The following DNMBP variants were observed in gnomAD, a reference collection of about 807,000 sequenced individuals.
DNMBP encodes the protein dynamin binding protein.
A neutral mutation model predicts 150.0 loss-of-function variants in DNMBP; 87 were observed. The ratio of observed to expected loss-of-function variants is 0.58; its 90% CI spans 0.49 to 0.69. The LOEUF (loss-of-function observed/expected upper bound fraction) is 0.69. Among genes scored for constraint, DNMBP ranks in the 30% least tolerant of loss-of-function variants. The probability of loss-of-function intolerance (pLI) is 0.00; values close to 1 mark genes in which losing one functional copy is unlikely to be tolerated. For missense variants in DNMBP, 1,774 were observed against 1,949.0 expected (o/e 0.91, Z 1.69); for synonymous variants, 711 against 750.4 (o/e 0.95, Z 0.86).
chr10:99,969,601 T>C (rs2040654748), intron 2 of DNMBP, among the ~76,000 whole-genome samples: 1 of 152,216 alleles, frequency 6.6e-6, no homozygotes, highest in Admixed American at 6.5e-5. Context: ...ATAACGTAAG[T>C]ACACAAATTG....
chr10:99,966,154 G>A (rs1275274156), intron 3 of DNMBP, among the ~76,000 whole-genome samples: 3 of 152,084 alleles, frequency 2.0e-5, no homozygotes, highest in Non-Finnish European at 4.4e-5. Context: ...CAAGCCTTGT[G>A]TTTCCAAATT....
chr10:99,899,469 G>A (rs1333935286), intron 7 of DNMBP, among the ~76,000 whole-genome samples: 2 of 151,958 alleles, frequency 1.3e-5, no homozygotes, highest in Non-Finnish European at 2.9e-5. Context: ...AGGTATGGTG[G>A]TGTGTGCCTG....
At chr10:99,961,640 G>A (rs565089600) in intron 3 of DNMBP, among the ~76,000 whole-genome samples, 221 of 152,148 alleles carry the variant, frequency 1.5e-3, no homozygotes, top group South Asian at 0.011. Flanking sequence ...TTGTCCCCAC[G>A]CATTATTTCT....
chr10:99,969,164 G>A lies in DNMBP; in HGVS notation c.219C>T (p.Cys73=), dbSNP rs374220632. ...SLKEGERLFV[C]ICEFTSQELD... ...ACTCTTGGGATGTGAATTCACAAAT[G>A]CACACAAACAGCCTCTCTCCCTCTT... is the stretch of plus-strand genomic sequence containing the variant. The change falls in exon 3 of 17, where the codon TGC becomes TGT. Residue 73 remains cysteine (C), a synonymous_variant. Transcript: ENST00000324109. 6 of 1,613,764 alleles carry A rather than the reference G, an allele frequency of 3.7e-6. No homozygotes were observed. In the African/African-American group the frequency reaches 8.0e-5, roughly 22 times the overall value.
chr10:99,940,666 GCTTT>G lies in DNMBP; in HGVS notation c.2260+14544_2260+14547del, dbSNP rs2040286629. On this transcript the variant is annotated intron_variant, in intron 4 of 16. Coordinates refer to ENST00000324109, the MANE Select transcript of DNMBP (RefSeq NM_015221.4). ...CCTGCTGCCACTACCCTATTTTTTT[GCTTT>G]CTTTTATAGCAAAACTCTTCGAAAG... is the stretch of plus-strand genomic sequence containing the variant. 1.1e-4 allele frequency among the ~76,000 whole-genome samples: 16 copies of G among 152,102 alleles called. No homozygotes were observed. The South Asian group carries it at 3.1e-3, about 30-fold the overall frequency.
At chr10:99,922,729 A>G (rs1290761733) in intron 4 of DNMBP, among the ~76,000 whole-genome samples, 1 of 151,998 alleles carries the variant, frequency 6.6e-6, no homozygotes, top group Non-Finnish European at 1.5e-5. Context: ...TGATCCCAGG[A>G]AGCAAGGCTG....
At chr10:99,970,767 T>C (rs1291488829) in intron 2 of DNMBP, among the ~76,000 whole-genome samples, 2 of 151,252 alleles carry the variant, frequency 1.3e-5, no homozygotes, top group African/African-American at 4.9e-5. Flanking sequence ...CGTCAGGAGA[T>C]TGAGACCATC....
chr10:99,943,699 C>T (rs757968762), intron 4 of DNMBP, among the ~76,000 whole-genome samples: 1 of 152,154 alleles, frequency 6.6e-6, no homozygotes, highest in Non-Finnish European at 1.5e-5. Context: ...CCACCATGCC[C>T]GGCTGAGAAA....
intron 4 of DNMBP, among the ~76,000 whole-genome samples, chr10:99,912,825 A>G (rs1207011624): frequency 6.6e-6 from 1 of 152,184 alleles, no homozygotes; most frequent in Non-Finnish European, 1.5e-5. Context: ...GCTCCTGGCA[A>G]CCCAAGGTAT....
intron 4 of DNMBP, chr10:99,913,876 C>T: frequency 7.9e-7 from 1 of 1,261,468 alleles, no homozygotes; most frequent in East Asian, 3.1e-5. Context: ...GGCCAGATCC[C>T]AGGTGCCCTT....
At chr10:99,990,822 T>C (rs76087591) in intron 1 of DNMBP, among the ~76,000 whole-genome samples, 4 of 119,324 alleles carry the variant, frequency 3.4e-5, no homozygotes, top group South Asian at 5.4e-4. Flanking sequence ...TATATATATA[T>C]ACACATATAC....
At chr10:99,895,251 C>T (rs966258185) in intron 10 of DNMBP, among the ~76,000 whole-genome samples, 2 of 151,686 alleles carry the variant, frequency 1.3e-5, no homozygotes, top group African/African-American at 2.4e-5. Flanking sequence ...GTCAGCCTCT[C>T]GCATAGCTGA....
chr10:99,938,829 C>T lies in DNMBP; in HGVS notation c.2260+16385G>A, dbSNP rs577592697. Among the ~76,000 whole-genome samples the T allele has an allele frequency of 2.0e-5, 3 of 152,276 alleles. No homozygotes were observed. In the East Asian group the frequency reaches 5.8e-4, roughly 29 times the overall value. On this transcript the variant is annotated intron_variant, in intron 4 of 16. Coordinates refer to ENST00000324109, the MANE Select transcript of DNMBP (RefSeq NM_015221.4). ...TTTTCTACTTTTCTCAATGGTAGGA[C>T]TGCTGGTGAAATAGAACCCTGTAGA...
intron 2 of DNMBP, among the ~76,000 whole-genome samples, chr10:99,969,616 G>C (rs187076102): frequency 2.8e-4 from 42 of 152,256 alleles, no homozygotes; most frequent in Admixed American, 2.6e-3. Flanking sequence ...AAATTGTTAC[G>C]GAAGTTCAGA....
At chr10:99,930,466 A>AACCATCATG in intron 4 of DNMBP, 1 of 702,896 alleles carries the variant, frequency 1.4e-6, no homozygotes, top group East Asian at 2.7e-5. Context: ...GGACTCCTAT[A>AACCATCATG]ACCATCATGA....
Position 99,965,398 on chromosome 10 carries a change from T to C in DNMBP, c.268+3717A>G, listed in dbSNP as rs191552802. On this transcript the variant is annotated intron_variant, in intron 3 of 16. Coordinates refer to ENST00000324109, the MANE Select transcript of DNMBP (RefSeq NM_015221.4). ...ATAAATTACACATATATTTTTTCTC[T>C]TATTAATCCTAATGATACTTCTTAA... Among the ~76,000 whole-genome samples, 6 of 152,266 alleles carry C rather than the reference T, an allele frequency of 3.9e-5. No homozygotes were observed. The East Asian group carries it at 9.6e-4, about 24-fold the overall frequency.
chr10:99,891,938 G>A (rs1408774408), intron 11 of DNMBP, among the ~76,000 whole-genome samples: 12 of 145,948 alleles, frequency 8.2e-5, no homozygotes, highest in African/African-American at 2.1e-4. Context: ...CCCCCTGCCC[G>A]GCCAGCCGCC....
rs777457282 is a variant in DNMBP, at chr10:99,877,182, G to A, written c.4703C>T (p.Ser1568Phe). Residue 1568 changes from serine to phenylalanine, a missense_variant, in exon 17 of 17, where the codon TCC (serine) becomes TTC (phenylalanine). Ser to Phe is a radical substitution (Grantham distance 155, BLOSUM62 -2). Transcript: ENST00000324109. ...GTACTCGGTTTTGCGGATATAATTG[G>A]AGGGAACGTAGCCCTTCTTCCCGTT... The part of the protein sequence containing the change: ...EVNGKKGYVP[S>F]NYIRKTEYT 1 of 1,612,822 alleles carries A rather than the reference G, an allele frequency of 6.2e-7. No homozygotes were observed. The highest frequency in any genetic ancestry group is 1.7e-5 in the Admixed American group (1 of 59,786).
At chr10:99,943,052 G>GC (rs1470110643) in intron 4 of DNMBP, among the ~76,000 whole-genome samples, 13 of 149,236 alleles carry the variant, frequency 8.7e-5, no homozygotes, top group Non-Finnish European at 1.9e-4. Flanking sequence ...GGAGGCTGAG[G>GC]GGGGGGCGGA....
Sources: gnomAD v4.1 joint callset for allele counts (sites outside exome capture counted in the v4.1 genomes callset) on GRCh38, gnomAD v4.1.1 for gene constraint, MANE v1.5 for transcripts, NCBI Gene and HGNC (gene_info 2026-07-23, HGNC 2026-07-21) for gene names.